Variants in IQCE observed in about 807,000 individuals in gnomAD.
The protein encoded by IQCE is IQ motif containing E.
In IQCE, 115 loss-of-function variants were observed where a neutral mutation model predicts 96.0. The observed-to-expected ratio is 1.20, with a 90% confidence interval of 1.03 to 1.40. The LOEUF is 1.40. Ranked by LOEUF, IQCE falls within the 40% of genes most tolerant of loss-of-function variation. The pLI is 0.00. For missense variants in IQCE, 1,041 were observed against 909.1 expected, an observed-to-expected ratio of 1.15 and a Z score of -1.87; for synonymous variants, 412 against 371.2, an observed-to-expected ratio of 1.11 and a Z score of -1.26.
chr7:2,579,542 T>C (rs1782489256), intron 8 of IQCE, among the ~76,000 whole-genome samples: 1 of 152,208 alleles, frequency 6.6e-6, no homozygotes, highest in South Asian at 2.1e-4. Context: ...ATGTCACAGA[T>C]ATAGAATGTA....
Position 2,601,439 on chromosome 7 carries a change from A to AG in IQCE, c.1609-1dup. On this transcript the variant is annotated splice_acceptor_variant, in intron 17 of 21. Coordinates refer to ENST00000402050, the MANE Select transcript of IQCE (RefSeq NM_152558.5). LOFTEE classifies it high-confidence loss of function. ...ATTTTTTCTTTCTTTTTTTTTTTCC[A>AG]GAAAAAAAAGGCTGTTCTGGATGAG... 1.3e-6 allele frequency: 2 copies of AG among 1,532,330 alleles called. No individual in the cohort carries two copies. Among genetic ancestry groups the AG allele is most frequent in the South Asian group, 2.4e-5 (2 of 84,244 alleles). The allele number at this position is 1,532,330 out of a possible 1,614,324, so 94.9% of individuals were successfully genotyped here.
In IQCE at chr7:2,568,877, T is replaced by C. The variant is rs374023484; in HGVS notation, c.85-77T>C. On this transcript the variant is annotated intron_variant, in intron 2 of 21. Transcript: ENST00000402050. The stretch of plus-strand genomic sequence containing the variant: ...CTGCTCTTACACGACCCCTGACCCT[T>C]TCTGAACATGGTAGGGTCTTGTGAT... 97 of 1,365,072 alleles carry C rather than the reference T, an allele frequency of 7.1e-5. 3 individuals carry two copies. The South Asian group carries it at 8.7e-4, about 12-fold the overall frequency. The allele number at this position is 1,365,072 out of a possible 1,614,324, so 84.6% of individuals were successfully genotyped here.
chr7:2,600,895 G>T (rs1784389025), intron 17 of IQCE, among the ~76,000 whole-genome samples: 1 of 152,182 alleles, frequency 6.6e-6, no homozygotes, highest in Non-Finnish European at 1.5e-5. Context: ...TGATTGTGAC[G>T]CTGCGTGTCA....
At chr7:2,578,164 G>T (rs1481599167) in intron 6 of IQCE, 78 bp from the exon 7 acceptor site, 1 of 1,103,220 alleles carries the variant, frequency 9.1e-7, no homozygotes, top group Non-Finnish European at 1.4e-6. Context: ...CGTGTGCGTG[G>T]CTGTGTGCGC....
At chr7:2,564,177 AC>A (rs1477956140) in intron 1 of IQCE, among the ~76,000 whole-genome samples, 1 of 151,932 alleles carries the variant, frequency 6.6e-6, no homozygotes, top group Non-Finnish European at 1.5e-5. Flanking sequence ...ATGCTATTGC[AC>A]CCCAGCCTGG....
chr7:2,569,056 G>A lies in IQCE; in HGVS notation c.130+57G>A, dbSNP rs1781579568. On this transcript the variant is annotated intron_variant, in intron 3 of 21. Coordinates refer to ENST00000402050, the MANE Select transcript of IQCE (RefSeq NM_152558.5). Reference sequence around the variant, plus strand: ...CGCCGACGTTCCCTGGTGTCCTGGAGAGAATGAAGGGTATTTGCTTTGTAC... The same window carrying A: ...CGCCGACGTTCCCTGGTGTCCTGGAAAGAATGAAGGGTATTTGCTTTGTAC... 2.0e-6 allele frequency: 3 copies of A among 1,523,586 alleles called. No individual in the cohort carries two copies. The African/African-American group carries it at 4.1e-5, about 21-fold the overall frequency. 94.4% of individuals were successfully genotyped at this position (1,523,586 alleles called of 1,614,324 possible).
chr7:2,575,981 G>A (rs1451645862), intron 6 of IQCE, among the ~76,000 whole-genome samples: 1 of 152,206 alleles, frequency 6.6e-6, no homozygotes, highest in Admixed American at 6.5e-5. Context: ...CTTGGAAGCG[G>A]CAGTCCCGTT....
At chr7:2,568,378 C>G (rs575524757) in intron 2 of IQCE, among the ~76,000 whole-genome samples, 23 of 152,324 alleles carry the variant, frequency 1.5e-4, no homozygotes, top group African/African-American at 5.1e-4. Context: ...CAGAAACACT[C>G]TTGGTCCCAG....
In IQCE at chr7:2,582,300, G is replaced by T. The variant is rs1360923907; in HGVS notation, c.631-280G>T. Among the ~76,000 whole-genome samples the T allele has an allele frequency of 2.6e-5, 4 of 152,212 alleles. No homozygotes were observed. The South Asian group carries it at 6.2e-4, about 24-fold the overall frequency. ...CCCTGCTCTGTCCCCCAGGTGTGCA[G>T]TGTGCTTGGGGGAGGGCTGCCAGTC... is the stretch of plus-strand genomic sequence containing the variant. On this transcript the variant is annotated intron_variant, in intron 8 of 21. Coordinates refer to ENST00000402050, the MANE Select transcript of IQCE (RefSeq NM_152558.5).
intron 8 of IQCE, chr7:2,581,924 G>A: frequency 3.2e-6 from 1 of 316,346 alleles, no homozygotes; most frequent in African/African-American, 2.2e-5. Flanking sequence ...TTGTTAGCCA[G>A]GATGGTCTTG....
At position 2,601,429 on chromosome 7, in the gene IQCE, T is replaced by C. The variant is rs771468583; in HGVS notation, c.1609-12T>C. 6.6e-7 allele frequency: 1 copy of C among 1,523,154 alleles called. No individual in the cohort carries two copies. Among genetic ancestry groups the C allele is most frequent in the South Asian group, 1.2e-5 (1 of 84,184 alleles). 94.4% of individuals were successfully genotyped at this position (1,523,154 alleles called of 1,614,324 possible). ...TAATTCATGTATTTTTTCTTTCTTT[T>C]TTTTTTTCCAGAAAAAAAAGGCTGT... is the stretch of plus-strand genomic sequence containing the variant. On this transcript the variant is annotated splice_polypyrimidine_tract_variant and intron_variant, in intron 17 of 21. Coordinates refer to ENST00000402050, the MANE Select transcript of IQCE (RefSeq NM_152558.5).
intron 13 of IQCE, 27 bp downstream of exon 13, chr7:2,587,904 C>A: frequency 1.2e-6 from 2 of 1,607,272 alleles, no homozygotes; most frequent in South Asian, 1.1e-5. Context: ...GTGCCACTGT[C>A]GTTGGGGACC....
intron 6 of IQCE, among the ~76,000 whole-genome samples, chr7:2,577,506 G>C: frequency 7.2e-6 from 1 of 138,992 alleles, no homozygotes; most frequent in Non-Finnish European, 1.5e-5. Flanking sequence ...GCGTGGCTGT[G>C]TGTGCGGGGA....
intron 20 of IQCE, among the ~76,000 whole-genome samples, chr7:2,606,250 C>T (rs936248955): frequency 7.2e-5 from 11 of 152,280 alleles, no homozygotes; most frequent in Admixed American, 3.3e-4. Context: ...TCTTCCCTAC[C>T]GGGAGGAGAT....
At chr7:2,587,919 G>T (rs1389480322) in intron 13 of IQCE, 42 bp downstream of exon 13, 4 of 1,585,422 alleles carry the variant, frequency 2.5e-6, no homozygotes, top group Non-Finnish European at 3.5e-6. Context: ...GGGACCAGGG[G>T]CCTCATGCTG....
intron 1 of IQCE, among the ~76,000 whole-genome samples, chr7:2,560,955 C>CAAAA (rs746886884): frequency 3.4e-5 from 2 of 58,766 alleles, no homozygotes; most frequent in Non-Finnish European, 6.9e-5. Flanking sequence ...GACTCTGTCT[C>CAAAA]AAAAAAAAAA....
chr7:2,598,732 C>G lies in IQCE; in HGVS notation c.1608+100C>G, dbSNP rs553166235. The G allele has an allele frequency of 8.4e-5, 91 of 1,077,022 alleles. No homozygotes were observed. The South Asian group carries it at 1.8e-3, about 21-fold the overall frequency. The allele number at this position is 1,077,022 out of a possible 1,614,324, so 66.7% of individuals were successfully genotyped here. On this transcript the variant is annotated intron_variant, in intron 17 of 21. Transcript: ENST00000402050. ...GAATGACTGGGCCTGGAGGGCCAGC[C>G]AGGCCCCAGGTGTCTGAGCACCGTA... is the stretch of plus-strand genomic sequence containing the variant.
intron 8 of IQCE, among the ~76,000 whole-genome samples, chr7:2,580,633 C>T (rs1782592282): frequency 6.6e-6 from 1 of 151,926 alleles, no homozygotes; most frequent in African/African-American, 2.4e-5. Context: ...AAGTGTCTAT[C>T]AATAGAGGCT....
intron 9 of IQCE, 55 bp downstream of exon 9, chr7:2,582,705 C>A: frequency 6.6e-7 from 1 of 1,511,210 alleles, no homozygotes; most frequent in South Asian, 1.2e-5. Context: ...TCTGCTTGCT[C>A]AGACGCCCGC....
Sources: gnomAD v4.1 joint callset for allele counts (sites outside exome capture counted in the v4.1 genomes callset) on GRCh38, gnomAD v4.1.1 for gene constraint, MANE v1.5 for transcripts, NCBI Gene and HGNC (gene_info 2026-07-23, HGNC 2026-07-21) for gene names.